CCDC60: variants seen among roughly 807,000 people sequenced by gnomAD.
The protein encoded by CCDC60 is coiled-coil domain containing 60, also known as coiled-coil domain-containing protein 60.
CCDC60 carries 54 observed loss-of-function variants against 63.5 expected under a neutral mutation model. That is an observed-to-expected ratio of 0.85 (90% CI 0.68 to 1.07). The LOEUF (loss-of-function observed/expected upper bound fraction) is 1.07. Ranked by LOEUF, CCDC60 falls within the 50% of genes least tolerant of loss-of-function variation. CCDC60 has a pLI of 0.00. For synonymous variants in CCDC60, 206 were observed against 238.8 expected (o/e 0.86, Z 1.27); for missense variants, 651 against 684.3 (o/e 0.95, Z 0.54).
chr12:119,536,600 G>C (rs918034665), intron 13 of CCDC60, among the ~76,000 whole-genome samples: 1 of 152,174 alleles, frequency 6.6e-6, no homozygotes, highest in Non-Finnish European at 1.5e-5. Context: ...ACTGTTGTAA[G>C]GCAGGCCTGG....
intron 13 of CCDC60, among the ~76,000 whole-genome samples, chr12:119,531,558 A>T (rs1433958620): frequency 3.9e-5 from 6 of 152,204 alleles, no homozygotes. Flanking sequence ...GCAAGACCAG[A>T]ATCATGAGAA....
At chr12:119,479,719 T>A (rs1020639578) in intron 4 of CCDC60, 1 of 152,338 alleles carries the variant, frequency 6.6e-6, no homozygotes, top group African/African-American at 2.4e-5. Flanking sequence ...CCCAACTTTT[T>A]CTTTTTCACC....
At chr12:119,449,972 T>C (rs965955038) in intron 2 of CCDC60, among the ~76,000 whole-genome samples, 1 of 152,288 alleles carries the variant, frequency 6.6e-6, no homozygotes. Context: ...AAAAGATACC[T>C]TCACTCATAT....
intron 7 of CCDC60, among the ~76,000 whole-genome samples, chr12:119,509,796 G>C (rs1168231047): frequency 6.6e-6 from 1 of 152,024 alleles, no homozygotes; most frequent in Admixed American, 6.6e-5. Context: ...GAGAACATTG[G>C]GGCACAGAGA....
intron 1 of CCDC60, among the ~76,000 whole-genome samples, chr12:119,383,836 T>C (rs1403674100): frequency 1.3e-5 from 2 of 152,182 alleles, no homozygotes; most frequent in African/African-American, 2.4e-5. Context: ...GAGCGTGTTA[T>C]AAGCTGATGA....
chr12:119,489,817 T>C (rs1181916348), intron 5 of CCDC60, among the ~76,000 whole-genome samples: 2 of 151,732 alleles, frequency 1.3e-5, no homozygotes, highest in Non-Finnish European at 2.9e-5. Context: ...TTTTTTTTTT[T>C]AGACAGAGTC....
chr12:119,443,766 T>C (rs1950488582), intron 2 of CCDC60, among the ~76,000 whole-genome samples: 1 of 152,206 alleles, frequency 6.6e-6, no homozygotes, highest in South Asian at 2.1e-4. Flanking sequence ...AAAACATGGC[T>C]TTTGGAGCCA....
chr12:119,437,137 T>C (rs1459640049), intron 2 of CCDC60, among the ~76,000 whole-genome samples: 1 of 152,210 alleles, frequency 6.6e-6, no homozygotes, highest in South Asian at 2.1e-4. Context: ...ATTAATAGTG[T>C]TTAATAGTGT....
chr12:119,527,411 A>G (rs1029795571), intron 11 of CCDC60, among the ~76,000 whole-genome samples: 2 of 152,148 alleles, frequency 1.3e-5, no homozygotes, highest in Non-Finnish European at 2.9e-5. Flanking sequence ...CCCCAAATCT[A>G]AAACAAATTT....
At chr12:119,457,628 G>C (rs1950772049) in intron 2 of CCDC60, among the ~76,000 whole-genome samples, 1 of 152,192 alleles carries the variant, frequency 6.6e-6, no homozygotes, top group African/African-American at 2.4e-5. Flanking sequence ...GTCCTATAAA[G>C]AAGAGTGAAA....
chr12:119,391,984 C>T (rs750079188), intron 1 of CCDC60, among the ~76,000 whole-genome samples: 45 of 152,108 alleles, frequency 3.0e-4, no homozygotes, highest in Non-Finnish European at 5.4e-4. Flanking sequence ...AGGTCAGGAG[C>T]CAAAACCCAG....
At chr12:119,517,509 TG>T (rs765706168) in intron 8 of CCDC60, among the ~76,000 whole-genome samples, 2 of 152,078 alleles carry the variant, frequency 1.3e-5, no homozygotes, top group Non-Finnish European at 2.9e-5. Context: ...GGGTTGGGGA[TG>T]GGGATCAGAG....
chr12:119,476,449 G>T (rs2136337380), intron 3 of CCDC60, among the ~76,000 whole-genome samples: 1 of 152,190 alleles, frequency 6.6e-6, no homozygotes, highest in Admixed American at 6.5e-5. Context: ...AAGAGTCAGT[G>T]GAAGTGAACA....
intron 1 of CCDC60, among the ~76,000 whole-genome samples, chr12:119,376,726 C>T (rs150266353): frequency 2.6e-5 from 4 of 152,288 alleles, no homozygotes; most frequent in Non-Finnish European, 5.9e-5. Flanking sequence ...TCCCAAACCT[C>T]CCTTAGGCTC....
intron 1 of CCDC60, among the ~76,000 whole-genome samples, chr12:119,399,961 T>C (rs1956359150): frequency 2.0e-5 from 3 of 152,220 alleles, no homozygotes; most frequent in Admixed American, 2.0e-4. Context: ...CTCCATGCTC[T>C]GCTATTTCAA....
intron 5 of CCDC60, among the ~76,000 whole-genome samples, chr12:119,492,828 A>C (rs1951620833): frequency 6.6e-6 from 1 of 152,226 alleles, no homozygotes; most frequent in South Asian, 2.1e-4. Context: ...ATCTGGGAAC[A>C]CAATGAATGT....
At chr12:119,465,975 A>G (rs187973057) in intron 2 of CCDC60, among the ~76,000 whole-genome samples, 31 of 152,330 alleles carry the variant, frequency 2.0e-4, no homozygotes, top group Middle Eastern at 3.4e-3. Flanking sequence ...GTATTATATG[A>G]TGTCATATAA....
chr12:119,519,401 A>ATGTG (rs141127258), intron 8 of CCDC60, among the ~76,000 whole-genome samples: 6,751 of 136,404 alleles, frequency 0.049, 266 homozygotes, highest in Middle Eastern at 0.079. Context: ...AGTGATATAT[A>ATGTG]TGTGTGTGTG....
At chr12:119,442,386 G>T (rs1311637179) in intron 2 of CCDC60, among the ~76,000 whole-genome samples, 2 of 152,164 alleles carry the variant, frequency 1.3e-5, no homozygotes, top group Admixed American at 6.5e-5. Context: ...CAGAGAGGGG[G>T]TGGATCGCCT....
Sources: gnomAD v4.1 joint callset for allele counts (sites outside exome capture counted in the v4.1 genomes callset) on GRCh38, gnomAD v4.1.1 for gene constraint, MANE v1.5 for transcripts, NCBI Gene and HGNC (gene_info 2026-07-23, HGNC 2026-07-21) for gene names.